The following COL13A1 variants were observed in gnomAD, a reference collection of about 807,000 sequenced individuals.
COL13A1 encodes collagen alpha-1(XIII) chain.
Under a neutral mutation model 130.9 loss-of-function variants are expected in COL13A1, and 89 were observed. That is an observed-to-expected ratio of 0.68 (90% CI 0.57 to 0.81). COL13A1 has a LOEUF of 0.81. Among genes scored for constraint, COL13A1 ranks in the 30% least tolerant of loss-of-function variants. COL13A1 has a pLI of 0.00. For synonymous variants in COL13A1, 402 were observed against 341.6 expected, an observed-to-expected ratio of 1.18 and a Z score of -1.95; for missense variants, 879 against 934.6, an observed-to-expected ratio of 0.94 and a Z score of 0.78.
Position 69,930,432 on chromosome 10 carries a change from T to C in COL13A1, c.1563T>C (p.Pro521=), listed in dbSNP as rs777655705. 12 of 1,613,118 alleles carry C rather than the reference T, an allele frequency of 7.4e-6. No homozygotes were observed. In the East Asian group the frequency reaches 2.5e-4, roughly 33 times the overall value. Residue 521 remains proline, a synonymous_variant, in exon 30 of 41, where the codon CCT becomes CCC. Transcript: ENST00000645393. ...GCGGTAAACCAGGAGACATGGGCCCTCCTGGTCCCCAAGGCCCCCCAGGAA... is the reference window on the plus strand; with the variant it reads ...GCGGTAAACCAGGAGACATGGGCCCCCCTGGTCCCCAAGGCCCCCCAGGAA... The part of the protein sequence containing the change: ...GPRGKPGDMG[P]PGPQGPPGKD...
At position 69,930,036 on chromosome 10, in the gene COL13A1, G is replaced by T; in HGVS notation, c.1486-7G>T. On this transcript the variant is annotated splice_polypyrimidine_tract_variant and splice_region_variant and intron_variant, in intron 28 of 40. Coordinates refer to ENST00000645393, the MANE Select transcript of COL13A1 (RefSeq NM_001368882.1). Reference sequence around the variant, plus strand: ...CTGAGAGTCACCTTTAGTTGTTCCGGTTACAGGGGGAGATTGGACTGCCAG... The same window carrying T: ...CTGAGAGTCACCTTTAGTTGTTCCGTTTACAGGGGGAGATTGGACTGCCAG... 6.2e-7 allele frequency: 1 copy of T among 1,613,826 alleles called. No homozygotes were observed. Among genetic ancestry groups the T allele is most frequent in the South Asian group, 1.1e-5 (1 of 91,064 alleles).
At chr10:69,814,120 C>T (rs1843790236) in intron 1 of COL13A1, among the ~76,000 whole-genome samples, 1 of 152,254 alleles carries the variant, frequency 6.6e-6, no homozygotes, top group Non-Finnish European at 1.5e-5. Flanking sequence ...AGGCCTCTAG[C>T]AGATGGGATC....
chr10:69,813,370 GT>G (rs1229433312), intron 1 of COL13A1, among the ~76,000 whole-genome samples: 1 of 152,034 alleles, frequency 6.6e-6, no homozygotes, highest in Non-Finnish European at 1.5e-5. Flanking sequence ...GAAGGACTTC[GT>G]CATACGAATG....
chr10:69,855,291 C>G (rs961466324), intron 2 of COL13A1, among the ~76,000 whole-genome samples: 3 of 152,272 alleles, frequency 2.0e-5, no homozygotes, highest in African/African-American at 7.2e-5. Context: ...GGCTGCCACC[C>G]ATGAGACTGT....
chr10:69,929,914 C>A, intron 28 of COL13A1, 129 bp from the exon 29 acceptor site: 2 of 763,754 alleles, frequency 2.6e-6, no homozygotes, highest in Non-Finnish European at 4.5e-6. Flanking sequence ...CCCAGCAACA[C>A]AGTTAGAATT....
At chr10:69,909,083 C>A (rs1417000979) in intron 17 of COL13A1, among the ~76,000 whole-genome samples, 1 of 152,168 alleles carries the variant, frequency 6.6e-6, no homozygotes, top group Non-Finnish European at 1.5e-5. Flanking sequence ...GTCATAGCTT[C>A]ATGGGGACAG....
At chr10:69,931,262 G>A in intron 30 of COL13A1, 2 of 454,600 alleles carry the variant, frequency 4.4e-6, no homozygotes, top group South Asian at 1.6e-5. Context: ...TTACAGTGAA[G>A]CCAGAGGGCT....
At chr10:69,914,515 C>T (rs1362151023) in intron 17 of COL13A1, among the ~76,000 whole-genome samples, 3 of 152,126 alleles carry the variant, frequency 2.0e-5, no homozygotes, top group Admixed American at 1.3e-4. Flanking sequence ...ACTGCCAGCC[C>T]AGCTCCTCGA....
At chr10:69,847,108 T>C (rs10762316) in intron 2 of COL13A1, among the ~76,000 whole-genome samples, 74,819 of 152,064 alleles carry the variant, frequency 0.49, 19,207 homozygotes, top group East Asian at 0.79. Context: ...CTCCTCATCA[T>C]AGCTTCCATC....
chr10:69,919,226 C>A, intron 20 of COL13A1, 138 bp downstream of exon 20: 1 of 1,129,472 alleles, frequency 8.9e-7, no homozygotes, highest in South Asian at 1.4e-5. Flanking sequence ...GAGAAGGGCC[C>A]ACTGGTCAGG....
intron 39 of COL13A1, 102 bp from the exon 40 acceptor site, chr10:69,956,901 TG>T (rs578109952): frequency 2.3e-6 from 2 of 859,784 alleles, no homozygotes; most frequent in Non-Finnish European, 4.0e-6. Context: ...GGCCACATCC[TG>T]ATCAGCTGCC....
chr10:69,841,824 G>A lies in COL13A1; in HGVS notation c.364+19386G>A, dbSNP rs139550175. On this transcript the variant is annotated intron_variant, in intron 2 of 40. Transcript: ENST00000645393. ...AGGGAACAGCAAGGGCAGAGACCCT[G>A]CAGTGGGAAGGGAGGATGAGGAACT... Among the ~76,000 whole-genome samples the A allele has an allele frequency of 8.5e-4, 130 of 152,324 alleles. 1 individual carries two copies. Among genetic ancestry groups the A allele is most frequent in the African/African-American group, 2.7e-3 (113 of 41,578 alleles).
At chr10:69,850,434 C>T (rs1190850429) in intron 2 of COL13A1, among the ~76,000 whole-genome samples, 1 of 22,608 alleles carries the variant, frequency 4.4e-5, no homozygotes, top group Non-Finnish European at 1.3e-4. Flanking sequence ...CCTGGAGCCA[C>T]ACGTTAAACT....
At chr10:69,833,927 G>A (rs1355313150) in intron 2 of COL13A1, among the ~76,000 whole-genome samples, 2 of 152,088 alleles carry the variant, frequency 1.3e-5, no homozygotes, top group Non-Finnish European at 2.9e-5. Context: ...GCTTCTATTT[G>A]GTGGGTAGCA....
chr10:69,854,206 C>T (rs1855768553), intron 2 of COL13A1, among the ~76,000 whole-genome samples: 1 of 152,174 alleles, frequency 6.6e-6, no homozygotes, highest in Non-Finnish European at 1.5e-5. Context: ...CAGAACTTGG[C>T]TTCATCCTTT....
At chr10:69,904,912 T>C (rs745592961) in intron 15 of COL13A1, 21 bp from the exon 16 acceptor site, 25 of 1,524,952 alleles carry the variant, frequency 1.6e-5, no homozygotes, top group African/African-American at 2.8e-5. Flanking sequence ...TTTCTTTTTT[T>C]TTTTTTTTTT....
At chr10:69,827,723 G>C (rs552528496) in intron 2 of COL13A1, among the ~76,000 whole-genome samples, 7 of 152,284 alleles carry the variant, frequency 4.6e-5, no homozygotes, top group Non-Finnish European at 8.8e-5. Flanking sequence ...TTCCACAGCT[G>C]ATGAGAGCTG....
At position 69,802,714 on chromosome 10, in the gene COL13A1, C is replaced by A. The variant is rs1233263127; in HGVS notation, c.291C>A (p.Asp97Glu). The change falls in exon 1 of 41, where the codon GAC becomes GAA. Residue 97 changes from aspartate (D) to glutamate (E), a missense_variant. Around this residue, in one of 3 missense-constraint regions of COL13A1, gnomAD observed 715 missense variants for 721.0 expected, o/e 0.99. Transcript: ENST00000645393. ...AILGRVNQLLDEKWKLHSRRR... is the reference protein window; with the variant it reads ...AILGRVNQLLEEKWKLHSRRR... ...TGGGACGAGTCAATCAACTGCTGGA[C>A]GAGGTCTGTGCTCTTTGTTGCTGGC... The A allele has an allele frequency of 1.9e-6, 3 of 1,611,566 alleles. No homozygotes were observed. Among genetic ancestry groups the A allele is most frequent in the Non-Finnish European group, 1.7e-6 (2 of 1,178,942 alleles).
chr10:69,957,579 C>T (rs935111321), intron 40 of COL13A1, among the ~76,000 whole-genome samples: 1 of 152,256 alleles, frequency 6.6e-6, no homozygotes, highest in African/African-American at 2.4e-5. Flanking sequence ...AGAGTTCCTA[C>T]CAACAATGAG....
Sources: gnomAD v4.1 joint callset for allele counts (sites outside exome capture counted in the v4.1 genomes callset) on GRCh38, gnomAD v4.1.1 for gene constraint, gnomAD v4.1.1 regional missense constraint, MANE v1.5 for transcripts, NCBI Gene and HGNC (gene_info 2026-07-23, HGNC 2026-07-21) for gene names.